The following RBM34 variants were observed in gnomAD, a reference collection of about 807,000 sequenced individuals.
The protein encoded by RBM34 is RNA-binding protein 34.
RBM34 carries 39 observed loss-of-function variants against 44.6 expected under a neutral mutation model. The observed-to-expected ratio is 0.87, with a 90% CI of 0.68 to 1.14. The LOEUF (loss-of-function observed/expected upper bound fraction) is 1.14. Among genes scored for constraint, RBM34 ranks in the 50% most tolerant of loss-of-function variants. The pLI is 0.00. For missense variants in RBM34, 572 were observed against 517.9 expected, an observed-to-expected ratio of 1.10 and a Z score of -1.01; for synonymous variants, 194 against 184.0, an observed-to-expected ratio of 1.05 and a Z score of -0.44.
intron 6 of RBM34, among the ~76,000 whole-genome samples, chr1:235,145,844 G>C (rs1345238542): frequency 1.3e-5 from 2 of 152,002 alleles, no homozygotes; most frequent in Admixed American, 1.3e-4. Flanking sequence ...ACAGTGCAGT[G>C]GTGTGATCAC....
At chr1:235,133,225 T>C (rs1029729231) in intron 10 of RBM34, among the ~76,000 whole-genome samples, 2 of 152,108 alleles carry the variant, frequency 1.3e-5, no homozygotes, top group Non-Finnish European at 2.9e-5. Flanking sequence ...CCTGTAGTCC[T>C]AGCTACTCAG....
At chr1:235,152,875 T>C in intron 4 of RBM34, 110 bp from the exon 5 acceptor site, 2 of 927,972 alleles carry the variant, frequency 2.2e-6, no homozygotes, top group East Asian at 5.9e-5. Context: ...CCAGGCTTTT[T>C]TTTTTTTTTT....
At chr1:235,133,236 G>A (rs943769067) in intron 10 of RBM34, among the ~76,000 whole-genome samples, 11 of 152,200 alleles carry the variant, frequency 7.2e-5, no homozygotes, top group Non-Finnish European at 1.3e-4. Context: ...AGCTACTCAG[G>A]AAGCTGAGAT....
intron 4 of RBM34, among the ~76,000 whole-genome samples, chr1:235,154,178 G>A (rs1432120746): frequency 1.7e-4 from 25 of 150,462 alleles, no homozygotes; most frequent in African/African-American, 5.6e-4. Context: ...CCCAGGAGGC[G>A]GAGCTTGCAG....
At chr1:235,149,409 G>C (rs1189094605) in intron 5 of RBM34, among the ~76,000 whole-genome samples, 1 of 147,874 alleles carries the variant, frequency 6.8e-6, no homozygotes, top group Non-Finnish European at 1.5e-5. Flanking sequence ...AAAAAAAAAG[G>C]AAAAATGTTA....
At position 235,154,801 on chromosome 1, in the gene RBM34, GACTT is replaced by G. The variant is rs530521999; in HGVS notation, c.597+76_597+79del. On this transcript the variant is annotated intron_variant, in intron 4 of 10. Coordinates refer to ENST00000408888, the MANE Select transcript of RBM34 (RefSeq NM_015014.4). The stretch of plus-strand genomic sequence containing the variant: ...TAATTTACAATGAAGTTATATCCAT[GACTT>G]ACTATTGAATGCTTATTCAACACAG... The G allele has an allele frequency of 5.8e-3, 6,243 of 1,079,082 alleles. 45 individuals carry two copies. The highest frequency in any genetic ancestry group is 5.8e-3 in the Non-Finnish European group (4,084 of 709,104). 66.8% of individuals were successfully genotyped at this position (1,079,082 alleles called of 1,614,324 possible).
intron 8 of RBM34, among the ~76,000 whole-genome samples, chr1:235,137,622 C>T (rs1457456378): frequency 3.3e-5 from 5 of 151,978 alleles, no homozygotes; most frequent in African/African-American, 1.2e-4. Flanking sequence ...GTGATCCTCC[C>T]GCCTTGGCCT....
intron 5 of RBM34, 131 bp from the exon 6 acceptor site, chr1:235,148,578 C>T: frequency 1.7e-6 from 1 of 601,736 alleles, no homozygotes; most frequent in South Asian, 3.4e-5. Context: ...ATAAACAAAT[C>T]AGAAACAACT....
At chr1:235,143,401 T>C (rs1572152253) in intron 6 of RBM34, among the ~76,000 whole-genome samples, 1 of 152,364 alleles carries the variant, frequency 6.6e-6, no homozygotes, top group South Asian at 2.1e-4. Flanking sequence ...AGCAGTTTTA[T>C]GTATAATAGC....
At chr1:235,140,753 C>G (rs1238145549) in intron 6 of RBM34, among the ~76,000 whole-genome samples, 1 of 152,260 alleles carries the variant, frequency 6.6e-6, no homozygotes, top group African/African-American at 2.4e-5. Context: ...GCCAGCTGGG[C>G]TCCCGAGTCT....
At chr1:235,159,504 C>T (rs532445149) in intron 3 of RBM34, among the ~76,000 whole-genome samples, 4 of 149,906 alleles carry the variant, frequency 2.7e-5, no homozygotes, top group Admixed American at 6.7e-5. Context: ...GTCAAGATTG[C>T]GCCACTGCAC....
At chr1:235,158,663 A>G (rs1296187072) in intron 3 of RBM34, among the ~76,000 whole-genome samples, 1 of 152,176 alleles carries the variant, frequency 6.6e-6, no homozygotes, top group Non-Finnish European at 1.5e-5. Flanking sequence ...TCAGTGATTA[A>G]CAGCTCCAGA....
At chr1:235,140,592 C>T (rs1224873922) in intron 6 of RBM34, among the ~76,000 whole-genome samples, 1 of 152,216 alleles carries the variant, frequency 6.6e-6, no homozygotes, top group Non-Finnish European at 1.5e-5. Flanking sequence ...CCATGGGCTC[C>T]TGTGCGGCCC....
intron 4 of RBM34, among the ~76,000 whole-genome samples, chr1:235,154,160 G>C (rs1662292886): frequency 3.3e-5 from 5 of 150,326 alleles, no homozygotes; most frequent in Admixed American, 3.3e-4. Flanking sequence ...GCAGGAGAAG[G>C]GTGTGAACCC....
rs1044481573 is a variant in RBM34 at position 235,149,267 on chromosome 1, T to C, written c.658-820A>G. Among the ~76,000 whole-genome samples the C allele has an allele frequency of 5.9e-5, 9 of 151,392 alleles. No individual in the cohort carries two copies. In the East Asian group the frequency reaches 1.8e-3, roughly 30 times the overall value. On this transcript the variant is annotated intron_variant, in intron 5 of 10. Transcript: ENST00000408888. ...AGCCAGACGTGGTGGCGGGCGCCTG[T>C]AGTCCCAGCTACTCAGGAGGCTGAG...
chr1:235,138,407 C>G (rs1353855649), intron 6 of RBM34, among the ~76,000 whole-genome samples: 1 of 152,166 alleles, frequency 6.6e-6, no homozygotes, highest in Admixed American at 6.5e-5. Flanking sequence ...GAATCATAAC[C>G]ATGAGAAAAC....
chr1:235,159,317 G>A (rs185123135), intron 3 of RBM34, among the ~76,000 whole-genome samples: 26 of 151,950 alleles, frequency 1.7e-4, no homozygotes, highest in African/African-American at 5.1e-4. Context: ...CTTGGGAGGC[G>A]GAGGCAAGTG....
intron 3 of RBM34, 46 bp downstream of exon 3, chr1:235,160,465 T>C (rs1160466494): frequency 3.2e-6 from 5 of 1,563,980 alleles, no homozygotes; most frequent in Admixed American, 1.8e-5. Flanking sequence ...GGAATGTTAA[T>C]TTACCATCTA....
At chr1:235,150,712 A>T (rs1001213353) in intron 5 of RBM34, among the ~76,000 whole-genome samples, 2 of 151,978 alleles carry the variant, frequency 1.3e-5, no homozygotes, top group Non-Finnish European at 2.9e-5. Context: ...GGTGCTGGTA[A>T]CCCAAGAAGA....
Sources: gnomAD v4.1 joint callset for allele counts (sites outside exome capture counted in the v4.1 genomes callset) on GRCh38, gnomAD v4.1.1 for gene constraint, MANE v1.5 for transcripts, NCBI Gene and HGNC (gene_info 2026-07-23, HGNC 2026-07-21) for gene names.